Variants in DNAJC21 observed in about 807,000 individuals in gnomAD.
The protein encoded by DNAJC21 is DnaJ heat shock protein family (Hsp40) member C21, also known as dnaJ homolog subfamily C member 21.
In DNAJC21, 63 loss-of-function variants were observed where a neutral mutation model predicts 72.4. The observed-to-expected ratio is 0.87, with a 90% confidence interval of 0.71 to 1.07. DNAJC21 has a LOEUF of 1.07. Ranked by LOEUF, DNAJC21 falls within the 50% of genes least tolerant of loss-of-function variation. The pLI is 0.00. For missense variants in DNAJC21, 634 were observed against 644.8 expected (o/e 0.98, Z 0.18); for synonymous variants, 203 against 216.7 (o/e 0.94, Z 0.56).
chr5:34,935,225 C>A (rs998605496), intron 2 of DNAJC21, among the ~76,000 whole-genome samples: 1 of 152,098 alleles, frequency 6.6e-6, no homozygotes, highest in African/African-American at 2.4e-5. Flanking sequence ...CCTTTTATAT[C>A]AGATGGAGAT....
chr5:34,951,283 G>T (rs746242402), intron 10 of DNAJC21: 400 of 985,436 alleles, frequency 4.1e-4, no homozygotes, highest in Non-Finnish European at 4.5e-4. Context: ...CTGACACCAG[G>T]TGTTTGTTCC....
At chr5:34,951,139 T>C in intron 10 of DNAJC21, 1 of 985,442 alleles carries the variant, frequency 1.0e-6, no homozygotes, top group Non-Finnish European at 1.2e-6. Flanking sequence ...AGGAAACAGA[T>C]GTGGGTGAGA....
chr5:34,937,695 C>CCTTACAT, intron 5 of DNAJC21, 65 bp downstream of exon 5: 1 of 1,526,964 alleles, frequency 6.5e-7, no homozygotes, highest in Non-Finnish European at 8.8e-7. Context: ...ACCAGAGGTA[C>CCTTACAT]CTTACATGTT....
intron 9 of DNAJC21, among the ~76,000 whole-genome samples, chr5:34,947,768 G>C (rs1461915424): frequency 6.7e-6 from 1 of 149,308 alleles, no homozygotes; most frequent in Non-Finnish European, 1.5e-5. Flanking sequence ...GCCGTATTCT[G>C]TTCTGTTATC....
At chr5:34,953,692 GT>G (rs1765450445) in intron 10 of DNAJC21, 1 of 416,614 alleles carries the variant, frequency 2.4e-6, no homozygotes, top group South Asian at 4.1e-5. Context: ...TGTTTCAACT[GT>G]TTTAAGGAAA....
At chr5:34,949,761 G>A in intron 9 of DNAJC21, 1 of 1,577,018 alleles carries the variant, frequency 6.3e-7, no homozygotes. Flanking sequence ...TAGAAGAATA[G>A]TTGCTCATTG....
rs775990991 is a variant in DNAJC21, at chr5:34,937,571, T to C, written c.684T>C (p.Asn228=). The C allele has an allele frequency of 2.5e-6, 4 of 1,613,828 alleles. 1 individual carries two copies. Among genetic ancestry groups the C allele is most frequent in the Middle Eastern group, 3.3e-4 (2 of 6,056 alleles). Residue 228 remains asparagine (N), a synonymous_variant, in exon 5 of 12, where the codon AAT becomes AAC. Transcript: ENST00000648817. ...QAHRKLVEEQ[N]AEKARKAEEM... ...ATCGAAAACTTGTGGAAGAACAGAATGCAGAGAAGGCGAGGAAAGCCGAAG... is the reference window on the plus strand; with the variant it reads ...ATCGAAAACTTGTGGAAGAACAGAACGCAGAGAAGGCGAGGAAAGCCGAAG...
chr5:34,952,393 ATT>A, intron 10 of DNAJC21: 1 of 372,650 alleles, frequency 2.7e-6, no homozygotes, highest in Non-Finnish European at 3.7e-6. Context: ...CCTAATCTGC[ATT>A]TTTTAAATGC....
At chr5:34,936,813 C>T (rs764040230) in intron 4 of DNAJC21, among the ~76,000 whole-genome samples, 22 of 152,174 alleles carry the variant, frequency 1.4e-4, no homozygotes, top group South Asian at 1.2e-3. Flanking sequence ...TGCATTGGCA[C>T]CACCTCAGCT....
chr5:34,940,104 G>C (rs925907970), intron 6 of DNAJC21, among the ~76,000 whole-genome samples: 13 of 152,112 alleles, frequency 8.5e-5, no homozygotes, highest in Admixed American at 5.9e-4. Flanking sequence ...CCCTTACATG[G>C]AGGTTTTGCT....
chr5:34,937,322 C>A lies in DNAJC21; in HGVS notation c.439-4C>A, dbSNP rs781366258. ...AGAAGTTAATCTGTTTTCTTTGTCACTAGGTAGTCCATCCTTTCTACGCTT... is the reference window on the plus strand; with the variant it reads ...AGAAGTTAATCTGTTTTCTTTGTCAATAGGTAGTCCATCCTTTCTACGCTT... On this transcript the variant is annotated splice_polypyrimidine_tract_variant and splice_region_variant and intron_variant, in intron 4 of 11. Coordinates refer to ENST00000648817, the MANE Select transcript of DNAJC21 (RefSeq NM_001012339.3). 3 of 1,599,126 alleles carry A rather than the reference C, an allele frequency of 1.9e-6. No homozygotes were observed. The highest frequency in any genetic ancestry group is 2.3e-5 in the South Asian group (2 of 88,196).
chr5:34,933,884 T>C lies in DNAJC21; in HGVS notation c.167T>C (p.Leu56Ser). 6.2e-7 allele frequency: 1 copy of C among 1,613,986 alleles called. No homozygotes were observed. The highest frequency in any genetic ancestry group is 8.5e-7 in the Non-Finnish European group (1 of 1,179,950). The stretch of plus-strand genomic sequence containing the variant: ...TTAATCCAAGCAGCATATGATGTGT[T>C]GAGTGACCCTCAGGAAAGAGCATGG... ...FKLIQAAYDV[L>S]SDPQERAWYD... Residue 56 changes from leucine to serine, a missense_variant, in exon 2 of 12, where the codon TTG (leucine) becomes TCG (serine). Transcript: ENST00000648817.
intron 10 of DNAJC21, chr5:34,953,585 T>C: frequency 6.0e-6 from 1 of 167,032 alleles, no homozygotes; most frequent in South Asian, 1.7e-4. Flanking sequence ...AAACACTGTA[T>C]AAAACATTCT....
chr5:34,935,712 A>G lies in DNAJC21; in HGVS notation c.194A>G (p.Tyr65Cys), dbSNP rs777566674. The change falls in exon 3 of 12, where the codon TAT (tyrosine) becomes TGT (cysteine). Residue 65 changes from tyrosine (Y) to cysteine (C), a missense_variant and splice_region_variant. Tyr to Cys is a radical substitution (Grantham distance 194). Transcript: ENST00000648817. ...TGATGCTAATTTTTGTTTTTCAGGT[A>G]TGATAATCATAGAGAGGCCCTACTT... ...VLSDPQERAW[Y>C]DNHREALLKG... 6 of 1,613,918 alleles carry G rather than the reference A, an allele frequency of 3.7e-6. No homozygotes were observed. The highest frequency in any genetic ancestry group is 3.3e-5 in the South Asian group (3 of 91,082).
rs1218838301 is a variant in DNAJC21, at chr5:34,955,363, C to T, written c.*649C>T. Reference sequence around the variant, plus strand: ...AAGGTGTATTGTTCAGTTTTTTGCTCCGATTTGAATTGTGGAGGTGGAAGC... The same window carrying T: ...AAGGTGTATTGTTCAGTTTTTTGCTTCGATTTGAATTGTGGAGGTGGAAGC... On this transcript the variant is annotated 3_prime_UTR_variant, in exon 12 of 12. Transcript: ENST00000648817. 6.6e-6 allele frequency: 1 copy of T among 152,008 alleles called. No individual in the cohort carries two copies. The highest frequency in any genetic ancestry group is 1.5e-5 in the Non-Finnish European group (1 of 68,022). The allele number at this position is 152,008 out of a possible 1,614,324, so 9.4% of individuals were successfully genotyped here.
rs1294874340 is a variant in DNAJC21 at position 34,954,006 on chromosome 5, G to A, written c.1434+5G>A. 1 of 1,604,208 alleles carries A rather than the reference G, an allele frequency of 6.2e-7. No homozygotes were observed. The highest frequency in any genetic ancestry group is 1.1e-5 in the South Asian group (1 of 88,906). On this transcript the variant is annotated splice_donor_5th_base_variant and intron_variant, in intron 11 of 11. Coordinates refer to ENST00000648817, the MANE Select transcript of DNAJC21 (RefSeq NM_001012339.3). ...CCTGCTGAACCACAAACAATGGTAG[G>A]TCAAAATCATATTCATATCTCTTTA...
chr5:34,951,289 G>C (rs1765356508), intron 10 of DNAJC21: 1 of 985,294 alleles, frequency 1.0e-6, no homozygotes, highest in Admixed American at 6.1e-5. Context: ...CCAGGTGTTT[G>C]TTCCCTTTCT....
chr5:34,948,278 C>T (rs1765238509), intron 9 of DNAJC21, among the ~76,000 whole-genome samples: 1 of 152,186 alleles, frequency 6.6e-6, no homozygotes, highest in African/African-American at 2.4e-5. Flanking sequence ...ACCTAATGCA[C>T]ACGTTTTGGT....
Position 34,937,567 on chromosome 5 carries a change from A to G in DNAJC21, c.680A>G (p.Gln227Arg). Residue 227 changes from glutamine to arginine, a missense_variant, in exon 5 of 12, where the codon CAG becomes CGG. By Grantham distance (43) the Gln-to-Arg change is conservative. Coordinates refer to ENST00000648817, the MANE Select transcript of DNAJC21 (RefSeq NM_001012339.3). ...GCGCATCGAAAACTTGTGGAAGAAC[A>G]GAATGCAGAGAAGGCGAGGAAAGCC... ...VQAHRKLVEEQNAEKARKAEE... is the reference protein window; with the variant it reads ...VQAHRKLVEERNAEKARKAEE... 6.2e-7 allele frequency: 1 copy of G among 1,613,972 alleles called. No individual in the cohort carries two copies. The highest frequency in any genetic ancestry group is 8.5e-7 in the Non-Finnish European group (1 of 1,179,876).
Sources: allele counts gnomAD v4.1 joint callset (sites outside exome capture counted in the v4.1 genomes callset), GRCh38; gene constraint gnomAD v4.1.1; transcripts MANE v1.5; gene names NCBI Gene and HGNC (gene_info 2026-07-23, HGNC 2026-07-21).